POU4F2: variants seen among roughly 807,000 people sequenced by gnomAD.
The protein encoded by POU4F2 is POU domain, class 4, transcription factor 2.
In POU4F2, 10 loss-of-function variants were observed where a neutral mutation model predicts 21.5. That is an observed-to-expected ratio of 0.46 (90% CI 0.29 to 0.79). The LOEUF (loss-of-function observed/expected upper bound fraction) is 0.79, where lower values mean the gene tolerates loss of function less well. Ranked by LOEUF, POU4F2 falls within the 30% of genes least tolerant of loss-of-function variation. POU4F2 has a pLI of 0.10. For synonymous variants in POU4F2, 324 were observed against 271.1 expected, an observed-to-expected ratio of 1.20 and a Z score of -1.92; for missense variants, 623 against 603.3, an observed-to-expected ratio of 1.03 and a Z score of -0.34.
chr4:146,639,936 G>T lies in POU4F2; in HGVS notation c.358G>T (p.Val120Phe). Residue 120 changes from valine (V) to phenylalanine (F), a missense_variant, in exon 2 of 2, where the codon GTC (valine) becomes TTC (phenylalanine). Around this residue, in one of 3 missense-constraint regions of POU4F2, gnomAD observed 523 missense variants for 504.1 expected, o/e 1.04. Transcript: ENST00000281321. ...RAEALAAVDI[V>F]SQSKSHHHHP... The stretch of plus-strand genomic sequence containing the variant: ...CGAGGCTCTGGCAGCCGTGGACATC[G>T]TCTCCCAGAGCAAGAGCCACCACCA... 2 of 1,599,982 alleles carry T rather than the reference G, an allele frequency of 1.3e-6. No homozygotes were observed.
Position 146,640,184 on chromosome 4 carries a change from GGGCGCTATGGCGGGCCCCGAC to G in POU4F2, c.613_633del (p.Met205_Ala211del). On this transcript the variant is annotated inframe_deletion, in exon 2 of 2. Coordinates refer to ENST00000281321, the MANE Select transcript of POU4F2 (RefSeq NM_004575.3). The surrounding 1 kb of genome is among the most constrained non-coding windows in gnomAD (Gnocchi z 4.8). ...AGCACCTGAGTCCCGGGCTGGCCCT[GGGCGCTATGGCGGGCCCCGAC>G]GGCGCTGTGGTGTCCACGCCGGCTC... 6.3e-7 allele frequency: 1 copy of G among 1,588,824 alleles called. No individual in the cohort carries two copies. The highest frequency in any genetic ancestry group is 8.5e-7 in the Non-Finnish European group (1 of 1,174,034).
chr4:146,640,754 G>C lies in POU4F2; in HGVS notation c.1176G>C (p.Trp392Cys), dbSNP rs1740873002. Residue 392 changes from tryptophan to cysteine, a missense_variant, in exon 2 of 2, where the codon TGG becomes TGC. Transcript: ENST00000281321. This position sits in a 1 kb window ranked among gnomAD's most constrained non-coding sequence, Gnocchi z 4.8. ...LDLKKNVVRV[W>C]FCNQRQKQKR... Reference sequence around the variant, plus strand: ...TGAAGAAAAACGTGGTGCGCGTCTGGTTCTGCAACCAGAGGCAGAAACAGA... The same window carrying C: ...TGAAGAAAAACGTGGTGCGCGTCTGCTTCTGCAACCAGAGGCAGAAACAGA... The C allele has an allele frequency of 6.2e-7, 1 of 1,613,350 alleles. No homozygotes were observed. The highest frequency in any genetic ancestry group is 8.5e-7 in the Non-Finnish European group (1 of 1,179,880).
rs546678292 is a variant in POU4F2, at chr4:146,640,651, G to T, written c.1073G>T (p.Arg358Leu). 1 of 1,614,272 alleles carries T rather than the reference G, an allele frequency of 6.2e-7. No homozygotes were observed. The highest frequency in any genetic ancestry group is 2.2e-5 in the East Asian group (1 of 44,882). Reference sequence around the variant, plus strand: ...ACGTCCATCGCTGCGCCAGAGAAGCGCTCGCTCGAAGCCTACTTTGCCATT... The same window carrying T: ...ACGTCCATCGCTGCGCCAGAGAAGCTCTCGCTCGAAGCCTACTTTGCCATT... ...KRTSIAAPEK[R>L]SLEAYFAIQP... is the part of the protein sequence containing the mutation. The change falls in exon 2 of 2, where the codon CGC becomes CTC. Residue 358 changes from arginine to leucine, a missense_variant. Physicochemically the swap from Arg to Leu is moderately radical, Grantham distance 102. Transcript: ENST00000281321. This position sits in a 1 kb window ranked among gnomAD's most constrained non-coding sequence, Gnocchi z 4.8.
Position 146,640,541 on chromosome 4 carries a change from A to G in POU4F2, c.963A>G (p.Ala321=). The change falls in exon 2 of 2, where the codon GCA becomes GCG. Residue 321 remains alanine (A), a synonymous_variant. Coordinates refer to ENST00000281321, the MANE Select transcript of POU4F2 (RefSeq NM_004575.3). This position sits in a 1 kb window ranked among gnomAD's most constrained non-coding sequence, Gnocchi z 4.8. ...TCGCGCTCAAACCCATCCTGCAGGC[A>G]TGGCTCGAGGAGGCCGAGAAGTCCC... ...NMIALKPILQ[A]WLEEAEKSHR... 1 of 1,613,986 alleles carries G rather than the reference A, an allele frequency of 6.2e-7. No homozygotes were observed. The highest frequency in any genetic ancestry group is 8.5e-7 in the Non-Finnish European group (1 of 1,179,886).
At position 146,640,138 on chromosome 4, in the gene POU4F2, C is replaced by T. The variant is rs759947204; in HGVS notation, c.560C>T (p.Ala187Val). 2.5e-6 allele frequency: 4 copies of T among 1,597,122 alleles called. No homozygotes were observed. The highest frequency in any genetic ancestry group is 1.7e-5 in the Admixed American group (1 of 59,344). Residue 187 changes from alanine to valine, a missense_variant, in exon 2 of 2, where the codon GCG (alanine) becomes GTG (valine). Physicochemically the swap from Ala to Val is moderately conservative, Grantham distance 64. Transcript: ENST00000281321. The surrounding 1 kb of genome is among the most constrained non-coding windows in gnomAD (Gnocchi z 4.8). ...CACCACCACCACCAACCGCACCAGG[C>T]GCTGGAGGGCGAGCTGCTGGAGCAC... is the stretch of plus-strand genomic sequence containing the variant. ...HHHHHHQPHQ[A>V]LEGELLEHLS... is the part of the protein sequence containing the mutation.
chr4:146,638,996 C>A lies in POU4F2; in HGVS notation c.-145C>A. On this transcript the variant is annotated 5_prime_UTR_variant, in exon 1 of 2. Transcript: ENST00000281321. ...GAGCGCGTAGCCGAGATCAGGCGTA[C>A]AGAGTCCGGAGGCGGCGGCGGGTGA... The A allele has an allele frequency of 1.9e-6, 2 of 1,035,706 alleles. No individual in the cohort carries two copies. Among genetic ancestry groups the A allele is most frequent in the Non-Finnish European group, 2.7e-6 (2 of 733,926 alleles). The allele number at this position is 1,035,706 out of a possible 1,614,324, so 64.2% of individuals were successfully genotyped here. A position where few individuals can be genotyped will look rare whatever the true frequency, so the allele number is the denominator to read the frequency against.
rs1561027232 is a variant in POU4F2 at position 146,640,093 on chromosome 4, A to G, written c.515A>G (p.His172Arg). The change falls in exon 2 of 2, where the codon CAC (histidine) becomes CGC (arginine). Residue 172 changes from histidine to arginine, a missense_variant. By Grantham distance (29) the His-to-Arg change is conservative (BLOSUM62 0). This residue lies in a region of POU4F2 where 523 missense variants were observed against 504.1 expected (regional missense o/e 1.04). Transcript: ENST00000281321. This position sits in a 1 kb window ranked among gnomAD's most constrained non-coding sequence, Gnocchi z 4.8. ...SHPSALAGTHHHHHHHHHHHH... is the reference protein window; with the variant it reads ...SHPSALAGTHRHHHHHHHHHH... ...CCTTCCGCGTTGGCGGGCACGCACC[A>G]CCACCACCACCATCACCACCACCAC... The G allele has an allele frequency of 6.2e-7, 1 of 1,602,848 alleles. No individual in the cohort carries two copies. Among genetic ancestry groups the G allele is most frequent in the Admixed American group, 1.7e-5 (1 of 59,918 alleles).
chr4:146,639,082 G>T lies in POU4F2; in HGVS notation c.-59G>T. The T allele has an allele frequency of 6.4e-7, 1 of 1,568,350 alleles. No individual in the cohort carries two copies. The highest frequency in any genetic ancestry group is 1.2e-5 in the South Asian group (1 of 84,762). On this transcript the variant is annotated 5_prime_UTR_variant, in exon 1 of 2. Coordinates refer to ENST00000281321, the MANE Select transcript of POU4F2 (RefSeq NM_004575.3). ...CGGCTGGCCCGGCACTTCTCGGAGG[G>T]TCCCGGCAGCCGGGACCAGTGAGTG...
In POU4F2 at chr4:146,641,856, T is replaced by TACACACAC. The variant is rs60422325; in HGVS notation, c.*1067_*1074dup. The TACACACAC allele has an allele frequency of 0.058, 8,618 of 148,748 alleles. 256 individuals carry two copies. Among genetic ancestry groups the TACACACAC allele is most frequent in the Middle Eastern group, 0.066 (19 of 286 alleles). The allele number at this position is 148,748 out of a possible 1,614,324, so 9.2% of individuals were successfully genotyped here. On this transcript the variant is annotated 3_prime_UTR_variant, in exon 2 of 2. Transcript: ENST00000281321. ...ACACATGAGCGCTCTCACTTACCCTTACACACACACACACACACACACACA... is the reference window on the plus strand; with the variant it reads ...ACACATGAGCGCTCTCACTTACCCTTACACACACACACACACACACACACACACACACA...
chr4:146,639,032 G>T lies in POU4F2; in HGVS notation c.-109G>T, dbSNP rs930892232. The T allele has an allele frequency of 4.1e-5, 58 of 1,422,386 alleles. No individual in the cohort carries two copies. The highest frequency in any genetic ancestry group is 2.0e-4 in the Middle Eastern group (1 of 5,046). 88.1% of individuals were successfully genotyped at this position (1,422,386 alleles called of 1,614,324 possible). A position where few individuals can be genotyped will look rare whatever the true frequency, so the allele number is the denominator to read the frequency against. ...GGCGGCGGCGGGTGAGCTCAACTTC[G>T]CACAGCCCTTCCCAGCTCCAGCCCC... On this transcript the variant is annotated 5_prime_UTR_variant, in exon 1 of 2. Transcript: ENST00000281321.
In POU4F2 at chr4:146,640,223, G is replaced by C. The variant is rs200695260; in HGVS notation, c.645G>C (p.Thr215=). ...MAGPDGAVVS[T]PAHAPHMATM... Reference sequence around the variant, plus strand: ...GCCCCGACGGCGCTGTGGTGTCCACGCCGGCTCACGCGCCGCACATGGCCA... The same window carrying C: ...GCCCCGACGGCGCTGTGGTGTCCACCCCGGCTCACGCGCCGCACATGGCCA... The change falls in exon 2 of 2, where the codon ACG becomes ACC. Residue 215 remains threonine, a synonymous_variant. Transcript: ENST00000281321. The surrounding 1 kb of genome is among the most constrained non-coding windows in gnomAD (Gnocchi z 4.8). 2,358 of 1,573,518 alleles carry C rather than the reference G, an allele frequency of 1.5e-3. 8 individuals carry two copies. The highest frequency in any genetic ancestry group is 1.9e-3 in the Non-Finnish European group (2,183 of 1,166,062).
Position 146,639,355 on chromosome 4 carries a change from G to T in POU4F2, c.215G>T (p.Ser72Ile). Residue 72 changes from serine to isoleucine, a missense_variant, in exon 1 of 2, where the codon AGC becomes ATC. Around this residue, in one of 3 missense-constraint regions of POU4F2, gnomAD observed 523 missense variants for 504.1 expected, o/e 1.04. Coordinates refer to ENST00000281321, the MANE Select transcript of POU4F2 (RefSeq NM_004575.3). ...GGGGGGGRSS[S>I]SSSSGSSGGG... ...GGCGGCGGCGGAGGCCGAAGCAGCAGCTCCAGCAGCAGTGGCAGCAGCGGC... is the reference window on the plus strand; with the variant it reads ...GGCGGCGGCGGAGGCCGAAGCAGCATCTCCAGCAGCAGTGGCAGCAGCGGC... 6.7e-7 allele frequency: 1 copy of T among 1,492,200 alleles called. No homozygotes were observed. Among genetic ancestry groups the T allele is most frequent in the Non-Finnish European group, 8.9e-7 (1 of 1,127,654 alleles). 92.4% of individuals were successfully genotyped at this position (1,492,200 alleles called of 1,614,324 possible). A position where few individuals can be genotyped will look rare whatever the true frequency, so the allele number is the denominator to read the frequency against.
rs1421976066 is a variant in POU4F2, at chr4:146,640,351, T to C, written c.773T>C (p.Leu258Pro). The C allele has an allele frequency of 6.3e-7, 1 of 1,592,900 alleles. No homozygotes were observed. Among genetic ancestry groups the C allele is most frequent in the Non-Finnish European group, 8.5e-7 (1 of 1,172,680 alleles). ...GACGTGGACGCCGACCCGCGGGACC[T>C]GGAGGCATTCGCCGAGCGCTTCAAG... ...MSDVDADPRD[L>P]EAFAERFKQR... Residue 258 changes from leucine (L) to proline (P), a missense_variant, in exon 2 of 2, where the codon CTG (leucine) becomes CCG (proline). Physicochemically the swap from Leu to Pro is moderately conservative, Grantham distance 98. Around this residue, in one of 3 missense-constraint regions of POU4F2, gnomAD observed 523 missense variants for 504.1 expected, o/e 1.04. Coordinates refer to ENST00000281321, the MANE Select transcript of POU4F2 (RefSeq NM_004575.3). This position sits in a 1 kb window ranked among gnomAD's most constrained non-coding sequence, Gnocchi z 4.8.
In POU4F2 at chr4:146,638,924, C is replaced by A; in HGVS notation, c.-217C>A. 1.7e-6 allele frequency: 1 copy of A among 588,248 alleles called. No individual in the cohort carries two copies. Among genetic ancestry groups the A allele is most frequent in the Non-Finnish European group, 2.8e-6 (1 of 355,706 alleles). The allele number at this position is 588,248 out of a possible 1,614,324, so 36.4% of individuals were successfully genotyped here. A position where few individuals can be genotyped will look rare whatever the true frequency, so the allele number is the denominator to read the frequency against. ...GGGTGCCGAGGTCTGCAGCTAGCGG[C>A]AAGCGGAGTCAGGCATCCGTTCAGA... On this transcript the variant is annotated 5_prime_UTR_variant, in exon 1 of 2. Transcript: ENST00000281321.
Position 146,640,136 on chromosome 4 carries a change from G to A in POU4F2, c.558G>A (p.Gln186=). 1.9e-6 allele frequency: 3 copies of A among 1,597,264 alleles called. No homozygotes were observed. Among genetic ancestry groups the A allele is most frequent in the Non-Finnish European group, 2.5e-6 (3 of 1,177,912 alleles). The change falls in exon 2 of 2, where the codon CAG becomes CAA. Residue 186 remains glutamine, a synonymous_variant. Coordinates refer to ENST00000281321, the MANE Select transcript of POU4F2 (RefSeq NM_004575.3). This position sits in a 1 kb window ranked among gnomAD's most constrained non-coding sequence, Gnocchi z 4.8. ...ACCACCACCACCACCAACCGCACCA[G>A]GCGCTGGAGGGCGAGCTGCTGGAGC... is the stretch of plus-strand genomic sequence containing the variant. The part of the protein sequence containing the change: ...HHHHHHHQPH[Q]ALEGELLEHL...
Position 146,641,524 on chromosome 4 carries a change from TCTAA to T in POU4F2, c.*717_*720del, listed in dbSNP as rs1170555350. ...TCTAGCAACTTAATTTTGTGCACAT[TCTAA>T]TTAATTAAACTTCTTCCGTCTAAAA... On this transcript the variant is annotated 3_prime_UTR_variant, in exon 2 of 2. Coordinates refer to ENST00000281321, the MANE Select transcript of POU4F2 (RefSeq NM_004575.3). 3 of 152,608 alleles carry T rather than the reference TCTAA, an allele frequency of 2.0e-5. No homozygotes were observed. The highest frequency in any genetic ancestry group is 7.2e-5 in the African/African-American group (3 of 41,430). 9.5% of individuals were successfully genotyped at this position (152,608 alleles called of 1,614,324 possible).
rs1740826318 is a variant in POU4F2, at chr4:146,639,411, T to C, written c.271T>C (p.Cys91Arg). Residue 91 changes from cysteine to arginine, a missense_variant, in exon 1 of 2, where the codon TGT becomes CGT. By Grantham distance (180) the Cys-to-Arg change is radical. Transcript: ENST00000281321. ...GGGSEAMRRACLPTPPSNIFG... is the reference protein window; with the variant it reads ...GGGSEAMRRARLPTPPSNIFG... ...GGGCTCGGAGGCTATGCGGAGAGCC[T>C]GTCTTCCAACCCCACCGGTGCGTAT... The C allele has an allele frequency of 2.0e-6, 3 of 1,465,730 alleles. No individual in the cohort carries two copies. Among genetic ancestry groups the C allele is most frequent in the Non-Finnish European group, 2.7e-6 (3 of 1,116,568 alleles). The allele number at this position is 1,465,730 out of a possible 1,614,324, so 90.8% of individuals were successfully genotyped here.
chr4:146,638,995 A>G lies in POU4F2; in HGVS notation c.-146A>G. 2.9e-6 allele frequency: 3 copies of G among 1,021,402 alleles called. No individual in the cohort carries two copies. The highest frequency in any genetic ancestry group is 1.7e-5 in the South Asian group (1 of 57,442). The allele number at this position is 1,021,402 out of a possible 1,614,324, so 63.3% of individuals were successfully genotyped here. A position where few individuals can be genotyped will look rare whatever the true frequency, so the allele number is the denominator to read the frequency against. On this transcript the variant is annotated 5_prime_UTR_variant, in exon 1 of 2. Coordinates refer to ENST00000281321, the MANE Select transcript of POU4F2 (RefSeq NM_004575.3). ...GGAGCGCGTAGCCGAGATCAGGCGT[A>G]CAGAGTCCGGAGGCGGCGGCGGGTG...
rs2149968594 is a variant in POU4F2 at position 146,640,215 on chromosome 4, G to T, written c.637G>T (p.Val213Leu). 1 of 1,572,312 alleles carries T rather than the reference G, an allele frequency of 6.4e-7. No individual in the cohort carries two copies. Among genetic ancestry groups the T allele is most frequent in the Non-Finnish European group, 8.6e-7 (1 of 1,165,562 alleles). The change falls in exon 2 of 2, where the codon GTG (valine) becomes TTG (leucine). Residue 213 changes from valine to leucine, a missense_variant. Physicochemically the swap from Val to Leu is conservative, Grantham distance 32 (BLOSUM62 1). Around this residue, in one of 3 missense-constraint regions of POU4F2, gnomAD observed 523 missense variants for 504.1 expected, o/e 1.04. Transcript: ENST00000281321. The surrounding 1 kb of genome is among the most constrained non-coding windows in gnomAD (Gnocchi z 4.8). ...GAMAGPDGAV[V>L]STPAHAPHMA... is the part of the protein sequence containing the mutation. ...TATGGCGGGCCCCGACGGCGCTGTG[G>T]TGTCCACGCCGGCTCACGCGCCGCA...
Sources: allele counts gnomAD v4.1 joint callset, GRCh38; gene constraint gnomAD v4.1.1; regional missense constraint gnomAD v4.1.1; non-coding constraint Gnocchi (gnomAD v3.1); transcripts MANE v1.5; gene names NCBI Gene and HGNC (gene_info 2026-07-23, HGNC 2026-07-21).